RABGAP1: variants seen among roughly 807,000 people sequenced by gnomAD.
The protein encoded by RABGAP1 is RAB GTPase activating protein 1.
A neutral mutation model predicts 137.6 loss-of-function variants in RABGAP1; 23 were observed. The ratio of observed to expected loss-of-function variants is 0.17; its 90% CI spans 0.12 to 0.24. The LOEUF is 0.24. Ranked by LOEUF, RABGAP1 falls within the 10% of genes least tolerant of loss-of-function variation. The pLI, the probability that RABGAP1 is intolerant of heterozygous loss-of-function variation, is 1.00. For synonymous variants in RABGAP1, 451 were observed against 450.7 expected, an observed-to-expected ratio of 1.00 and a Z score of -0.01; for missense variants, 906 against 1,275.8, an observed-to-expected ratio of 0.71 and a Z score of 4.42.
chr9:122,996,803 T>C (rs539094925), intron 8 of RABGAP1, among the ~76,000 whole-genome samples, 198 bp downstream of exon 8: 39 of 152,356 alleles, frequency 2.6e-4, no homozygotes, highest in Middle Eastern at 3.4e-3. Flanking sequence ...AGCCTTGGTC[T>C]GTTAACTGTG....
At chr9:122,953,204 A>C (rs1588160154) in intron 1 of RABGAP1, among the ~76,000 whole-genome samples, 2 of 152,338 alleles carry the variant, frequency 1.3e-5, no homozygotes, top group East Asian at 3.9e-4. Flanking sequence ...ATAACTGTTA[A>C]ATTTTTTTGA....
intron 2 of RABGAP1, among the ~76,000 whole-genome samples, chr9:122,982,566 T>C (rs961866384): frequency 6.6e-6 from 1 of 152,220 alleles, no homozygotes; most frequent in Non-Finnish European, 1.5e-5. Flanking sequence ...TCATCTGTTT[T>C]TGGGAAGCTG....
the RABGAP1 span, among the ~76,000 whole-genome samples, chr9:122,935,113 C>T: frequency 6.6e-6 from 1 of 152,050 alleles, no homozygotes; most frequent in African/African-American, 2.4e-5. Context: ...ATTTTTTTAT[C>T]ATGAAACGTT....
chr9:123,002,716 C>G (rs987818171), intron 10 of RABGAP1, among the ~76,000 whole-genome samples: 1 of 151,728 alleles, frequency 6.6e-6, no homozygotes, highest in Non-Finnish European at 1.5e-5. Context: ...TATTATCATA[C>G]AGTATGTTAT....
intron 2 of RABGAP1, among the ~76,000 whole-genome samples, chr9:122,967,746 A>AT (rs944985963): frequency 5.0e-4 from 73 of 146,848 alleles, no homozygotes; most frequent in Admixed American, 8.2e-4. Context: ...CCTGAAAAAA[A>AT]TTTTTTTTTT....
intron 13 of RABGAP1, among the ~76,000 whole-genome samples, chr9:123,028,961 A>G (rs1212189829): frequency 6.6e-6 from 1 of 152,200 alleles, no homozygotes; most frequent in Non-Finnish European, 1.5e-5. Flanking sequence ...AATATTATAT[A>G]TATTTTTTGC....
At chr9:123,076,339 C>A (rs772835170) in intron 18 of RABGAP1, 53 bp downstream of exon 18, 86 of 1,548,472 alleles carry the variant, frequency 5.6e-5, no homozygotes, top group Non-Finnish European at 6.9e-5. Flanking sequence ...TCTGCACTTG[C>A]AATACATTGG....
rs1327165816 is a variant in RABGAP1 at position 122,946,923 on chromosome 9, G to A, written c.-50+5830G>A. Among the ~76,000 whole-genome samples, 3 of 152,238 alleles carry A rather than the reference G, an allele frequency of 2.0e-5. No individual in the cohort carries two copies. In the East Asian group the frequency reaches 5.8e-4, roughly 29 times the overall value. On this transcript the variant is annotated intron_variant, in intron 1 of 25. Coordinates refer to ENST00000373647, the MANE Select transcript of RABGAP1 (RefSeq NM_012197.4). ...ATGAAGTATCAAGATATAGTGGGGA[G>A]AGTATGAACTTTGGGGTGAGAAAGA...
chr9:123,047,924 T>TG (rs2033283447), intron 13 of RABGAP1, among the ~76,000 whole-genome samples: 1 of 54,930 alleles, frequency 1.8e-5, no homozygotes, highest in South Asian at 5.0e-4. Flanking sequence ...GCTGGGTTTT[T>TG]TTTTTTTTTT....
intron 1 of RABGAP1, among the ~76,000 whole-genome samples, chr9:122,944,807 C>G (rs1001768348): frequency 6.6e-6 from 1 of 151,908 alleles, no homozygotes; most frequent in Non-Finnish European, 1.5e-5. Flanking sequence ...GAACTCCTGA[C>G]CTCAGGTAAT....
chr9:122,945,958 G>T (rs866893901), intron 1 of RABGAP1: 2 of 152,128 alleles, frequency 1.3e-5, no homozygotes, highest in African/African-American at 2.4e-5. Flanking sequence ...GAAATGATAT[G>T]CAGAATCCTT....
At chr9:123,041,705 C>T (rs1375585814) in intron 13 of RABGAP1, among the ~76,000 whole-genome samples, 2 of 152,096 alleles carry the variant, frequency 1.3e-5, no homozygotes, top group South Asian at 2.1e-4. Flanking sequence ...ACTGACTCAG[C>T]GGAATCAACA....
chr9:123,060,251 T>A (rs2033915637), intron 13 of RABGAP1, among the ~76,000 whole-genome samples: 1 of 152,252 alleles, frequency 6.6e-6, no homozygotes, highest in Admixed American at 6.5e-5. Context: ...TATAAACATT[T>A]CTGTCATCTC....
At chr9:122,975,094 A>C (rs1588198402) in intron 2 of RABGAP1, among the ~76,000 whole-genome samples, 1 of 152,196 alleles carries the variant, frequency 6.6e-6, no homozygotes. Context: ...ACTCAGTTTG[A>C]ACCATTTTCA....
At chr9:123,014,401 C>T (rs1340678046) in intron 11 of RABGAP1, among the ~76,000 whole-genome samples, 1 of 152,050 alleles carries the variant, frequency 6.6e-6, no homozygotes, top group African/African-American at 2.4e-5. Context: ...TTTAGAAAGT[C>T]ATAAAAACAT....
chr9:123,005,761 T>G (rs770902089), intron 10 of RABGAP1, among the ~76,000 whole-genome samples: 2 of 152,202 alleles, frequency 1.3e-5, no homozygotes, highest in Non-Finnish European at 2.9e-5. Flanking sequence ...TGAAAGTGCA[T>G]CTTAGAATAG....
At chr9:122,966,982 T>G (rs1333660287) in intron 2 of RABGAP1, among the ~76,000 whole-genome samples, 1 of 152,046 alleles carries the variant, frequency 6.6e-6, no homozygotes, top group African/African-American at 2.4e-5. Context: ...TTTAATTACC[T>G]CCCTCCAGGT....
chr9:123,029,562 A>T (rs540557567), intron 13 of RABGAP1: 12 of 762,482 alleles, frequency 1.6e-5, no homozygotes, highest in Admixed American at 3.4e-5. Context: ...ATAAGTTTAT[A>T]GTTGGGAACT....
chr9:122,962,069 A>G (rs896141857), intron 2 of RABGAP1, among the ~76,000 whole-genome samples: 1 of 152,216 alleles, frequency 6.6e-6, no homozygotes, highest in African/African-American at 2.4e-5. Flanking sequence ...TTGGACTTCT[A>G]ACATTTATAG....
Sources: gnomAD v4.1 joint callset for allele counts (sites outside exome capture counted in the v4.1 genomes callset) on GRCh38, gnomAD v4.1.1 for gene constraint, MANE v1.5 for transcripts, NCBI Gene and HGNC (gene_info 2026-07-23, HGNC 2026-07-21) for gene names.